The following PTPRD variants were observed in gnomAD, a reference collection of about 807,000 sequenced individuals.
PTPRD encodes receptor-type tyrosine-protein phosphatase delta.
In PTPRD, 34 loss-of-function variants were observed where a neutral mutation model predicts 214.5. The ratio of observed to expected loss-of-function variants is 0.16; its 90% CI spans 0.12 to 0.21. PTPRD has a LOEUF of 0.21. PTPRD is among the 10% of genes least tolerant of loss of function. The pLI is 1.00. For synonymous variants in PTPRD, 1,128 were observed against 845.7 expected, an observed-to-expected ratio of 1.33 and a Z score of -5.79; for missense variants, 2,545 against 2,398.7, an observed-to-expected ratio of 1.06 and a Z score of -1.27.
At chr9:8,529,063 T>G (rs998299514) in intron 14 of PTPRD, among the ~76,000 whole-genome samples, 2 of 151,762 alleles carry the variant, frequency 1.3e-5, no homozygotes, top group South Asian at 4.2e-4. Flanking sequence ...AATTATAGGG[T>G]TTGTGCTTGA....
rs147152206 is a variant in PTPRD at position 8,835,643 on chromosome 9, C to T, written c.-103-101697G>A. Among the ~76,000 whole-genome samples, 305 of 152,308 alleles carry T rather than the reference C, an allele frequency of 2.0e-3. 3 individuals carry two copies. Among genetic ancestry groups the T allele is most frequent in the Non-Finnish European group, 1.2e-3 (85 of 68,020 alleles). On this transcript the variant is annotated intron_variant, in intron 11 of 45. Transcript: ENST00000381196. The stretch of plus-strand genomic sequence containing the variant: ...CTCCCAGGCTCAAGTGATCCTCCCA[C>T]CTCAGCCTCCTGAGTAGCTGGAACC...
chr9:8,727,219 T>C (rs1444119640), intron 12 of PTPRD, among the ~76,000 whole-genome samples: 1 of 152,198 alleles, frequency 6.6e-6, no homozygotes, highest in East Asian at 1.9e-4. Context: ...TTTGGAATTG[T>C]TTAAAAAAGC....
intron 4 of PTPRD, among the ~76,000 whole-genome samples, 178 bp downstream of exon 4, chr9:10,033,540 A>G (rs918267560): frequency 6.6e-6 from 1 of 152,056 alleles, no homozygotes; most frequent in East Asian, 1.9e-4. Context: ...CTATTACTAG[A>G]GTAATTAAAA....
intron 3 of PTPRD, among the ~76,000 whole-genome samples, chr9:10,069,750 T>C (rs1467549839): frequency 6.6e-6 from 1 of 152,034 alleles, no homozygotes; most frequent in Non-Finnish European, 1.5e-5. Context: ...GAGATAATTG[T>C]GAATCAGAAG....
At chr9:10,254,133 A>G (rs2093035938) in intron 3 of PTPRD, among the ~76,000 whole-genome samples, 1 of 152,186 alleles carries the variant, frequency 6.6e-6, no homozygotes, top group Non-Finnish European at 1.5e-5. Context: ...TCATAATCAC[A>G]TACTTTCTCT....
chr9:10,451,022 A>T (rs1364346026), intron 2 of PTPRD, among the ~76,000 whole-genome samples: 1 of 152,020 alleles, frequency 6.6e-6, no homozygotes, highest in East Asian at 1.9e-4. Flanking sequence ...GCCACTTAAT[A>T]ACATGATAGA....
chr9:9,381,437 T>C (rs901965853), intron 9 of PTPRD, among the ~76,000 whole-genome samples: 2 of 150,672 alleles, frequency 1.3e-5, no homozygotes, highest in Non-Finnish European at 3.0e-5. Flanking sequence ...CACAGCTCAC[T>C]GCAGTCTTGA....
chr9:10,316,176 C>CATATATATATACATATGTATATACAT (rs1565242638), intron 3 of PTPRD, among the ~76,000 whole-genome samples: 2 of 143,058 alleles, frequency 1.4e-5, no homozygotes, highest in Non-Finnish European at 3.0e-5. Flanking sequence ...TGTATATATA[C>CATATATATATACATATGTATATACAT]ATAGATATAC....
chr9:9,267,787 T>A (rs1940721470), intron 9 of PTPRD, among the ~76,000 whole-genome samples: 2 of 139,312 alleles, frequency 1.4e-5, no homozygotes, highest in Non-Finnish European at 3.2e-5. Flanking sequence ...TCATATCATT[T>A]CAATAGACAA....
intron 43 of PTPRD, among the ~76,000 whole-genome samples, chr9:8,333,590 C>A (rs1351631520): frequency 6.6e-6 from 1 of 152,170 alleles, no homozygotes. Flanking sequence ...GTACCAGCCA[C>A]TGCAAAAACA....
intron 3 of PTPRD, among the ~76,000 whole-genome samples, chr9:10,146,515 C>A (rs977744360): frequency 6.6e-6 from 1 of 152,024 alleles, no homozygotes; most frequent in African/African-American, 2.4e-5. Context: ...AATAAGAATG[C>A]AGGTTGTGCC....
At chr9:8,438,863 A>G (rs932055173) in intron 34 of PTPRD, 2 of 152,178 alleles carry the variant, frequency 1.3e-5, no homozygotes, top group Non-Finnish European at 2.9e-5. Context: ...AAGTATTAGT[A>G]TAACAGCAGT....
At chr9:8,949,684 C>T (rs890391356) in intron 11 of PTPRD, among the ~76,000 whole-genome samples, 2 of 152,076 alleles carry the variant, frequency 1.3e-5, no homozygotes, top group Non-Finnish European at 2.9e-5. Flanking sequence ...TGCTATTGTT[C>T]TTAATATTCT....
At position 9,569,593 on chromosome 9, in the gene PTPRD, G is replaced by C. The variant is rs768594584; in HGVS notation, c.-237+5139C>G. Among the ~76,000 whole-genome samples the C allele has an allele frequency of 2.3e-4, 35 of 151,270 alleles. No individual in the cohort carries two copies. In the South Asian group the frequency reaches 4.4e-3, roughly 19 times the overall value. On this transcript the variant is annotated intron_variant, in intron 8 of 45. Coordinates refer to ENST00000381196, the MANE Select transcript of PTPRD (RefSeq NM_002839.4). The stretch of plus-strand genomic sequence containing the variant: ...CACTTCGTTATCAACAAGTCAAATC[G>C]ACAAAAGTCTAATCTCGATTTTCCC...
intron 2 of PTPRD, among the ~76,000 whole-genome samples, chr9:10,544,280 T>G (rs1282609794): frequency 6.6e-6 from 1 of 152,074 alleles, no homozygotes; most frequent in Non-Finnish European, 1.5e-5. Flanking sequence ...CAAAGTTTCA[T>G]AAGATAGTCT....
At position 9,315,966 on chromosome 9, in the gene PTPRD, T is replaced by C. The variant is rs1002893756; in HGVS notation, c.-203+81483A>G. ...ATTAATTGACATATATCTGTGCCCA[T>C]GTGAATCTTTTAGATGTCCACATAA... On this transcript the variant is annotated intron_variant, in intron 9 of 45. Coordinates refer to ENST00000381196, the MANE Select transcript of PTPRD (RefSeq NM_002839.4). 9.9e-5 allele frequency among the ~76,000 whole-genome samples: 15 copies of C among 151,684 alleles called. No individual in the cohort carries two copies. In the East Asian group the frequency reaches 2.9e-3, roughly 30 times the overall value.
intron 9 of PTPRD, among the ~76,000 whole-genome samples, chr9:9,282,835 A>C (rs1948174982): frequency 6.6e-6 from 1 of 151,542 alleles, no homozygotes. Flanking sequence ...AGTGGCATAC[A>C]AATTCAAGCA....
chr9:10,051,971 GTT>G (rs1589783952), intron 3 of PTPRD, among the ~76,000 whole-genome samples: 1 of 152,070 alleles, frequency 6.6e-6, no homozygotes, highest in East Asian at 1.9e-4. Flanking sequence ...TTGAGACAAG[GTT>G]TTGCTCTGTT....
At chr9:10,410,253 G>GTATATATATATATATATATATATATATA (rs34284610) in intron 2 of PTPRD, among the ~76,000 whole-genome samples, 86 of 126,370 alleles carry the variant, frequency 6.8e-4, no homozygotes, top group East Asian at 4.7e-3. Context: ...CATATTTTGT[G>GTATATATATATATATATATATATATATA]TATATATATA....
Sources: gnomAD v4.1 joint callset for allele counts (sites outside exome capture counted in the v4.1 genomes callset) on GRCh38, gnomAD v4.1.1 for gene constraint, MANE v1.5 for transcripts, NCBI Gene and HGNC (gene_info 2026-07-23, HGNC 2026-07-21) for gene names.